SRP68: variants seen among roughly 807,000 people sequenced by gnomAD.
SRP68 encodes signal recognition particle subunit SRP68.
A neutral mutation model predicts 82.2 loss-of-function variants in SRP68; 15 were observed. That is an observed-to-expected ratio of 0.18 (90% CI 0.12 to 0.28). SRP68 has a LOEUF of 0.28. SRP68 is among the 10% of genes least tolerant of loss of function. The probability of loss-of-function intolerance (pLI) is 1.00; values close to 1 mark genes in which losing one functional copy is unlikely to be tolerated. For synonymous variants in SRP68, 261 were observed against 292.6 expected, an observed-to-expected ratio of 0.89 and a Z score of 1.10; for missense variants, 595 against 780.5, an observed-to-expected ratio of 0.76 and a Z score of 2.83.
intron 10 of SRP68, 139 bp from the exon 11 acceptor site, chr17:76,046,333 G>A: frequency 2.2e-6 from 2 of 902,322 alleles, no homozygotes; most frequent in East Asian, 2.5e-5. Context: ...TTTGGCTTGG[G>A]CTTCAAGGGA....
At position 76,067,299 on chromosome 17, in the gene SRP68, G is replaced by A. The variant is rs777753629; in HGVS notation, c.283C>T (p.Arg95Ter). The change falls in exon 3 of 16, where the codon CGA becomes TGA. Residue 95 changes from arginine (R) to a stop codon, truncating the protein, a stop_gained. Coordinates refer to ENST00000307877, the MANE Select transcript of SRP68 (RefSeq NM_014230.4). LOFTEE classifies it high-confidence loss of function. ...GYCSRRQRRL[R>*]KTLNFKMGNR... ...CCCATCTTGAAGTTGAGTGTTTTTC[G>A]AAGACGTCTTTGTCTACGGGAACAG... The A allele has an allele frequency of 1.9e-6, 3 of 1,613,256 alleles. No individual in the cohort carries two copies. The highest frequency in any genetic ancestry group is 1.7e-5 in the Admixed American group (1 of 59,798).
intron 10 of SRP68, among the ~76,000 whole-genome samples, chr17:76,046,681 T>C (rs1028867474): frequency 2.0e-5 from 3 of 151,742 alleles, no homozygotes; most frequent in African/African-American, 7.3e-5. Context: ...GTGGCTCCCA[T>C]CTGTAATCCC....
At chr17:76,040,612 T>C (rs1456310481) in intron 14 of SRP68, 138 bp from the exon 15 acceptor site, 1 of 832,440 alleles carries the variant, frequency 1.2e-6, no homozygotes, top group Non-Finnish European at 2.0e-6. Flanking sequence ...GCCTGTCTCC[T>C]GCTGAGAAGT....
intron 8 of SRP68, among the ~76,000 whole-genome samples, chr17:76,052,112 C>T (rs578075556): frequency 4.3e-4 from 65 of 152,290 alleles, no homozygotes; most frequent in Non-Finnish European, 7.8e-4. Context: ...AACTCCTGAC[C>T]TCAGGTGATC....
At chr17:76,063,016 C>T (rs2066780807) in intron 4 of SRP68, among the ~76,000 whole-genome samples, 1 of 151,218 alleles carries the variant, frequency 6.6e-6, no homozygotes, top group Non-Finnish European at 1.5e-5. Context: ...GTGATCTGCC[C>T]ACCTTGGCCT....
intron 4 of SRP68, among the ~76,000 whole-genome samples, chr17:76,062,400 G>A (rs930752564): frequency 2.1e-5 from 3 of 144,550 alleles, no homozygotes; most frequent in African/African-American, 7.8e-5. Context: ...TGACTGCAGC[G>A]AGCCATGACT....
intron 10 of SRP68, among the ~76,000 whole-genome samples, chr17:76,046,767 C>A (rs927432138): frequency 2.6e-5 from 4 of 152,122 alleles, no homozygotes; most frequent in African/African-American, 9.7e-5. Context: ...CAGTGAAACC[C>A]CGTCTCTATT....
chr17:76,067,628 C>A (rs183038749), intron 2 of SRP68, among the ~76,000 whole-genome samples: 1 of 152,036 alleles, frequency 6.6e-6, no homozygotes, highest in South Asian at 2.1e-4. Context: ...CCACACATGG[C>A]TAATTTTTGT....
chr17:76,040,310 TG>T, intron 15 of SRP68, 108 bp downstream of exon 15: 2 of 1,055,964 alleles, frequency 1.9e-6, no homozygotes, highest in Non-Finnish European at 1.5e-6. Context: ...GGGAGGGAGG[TG>T]GGGGGTTTCC....
At chr17:76,060,483 C>G in intron 6 of SRP68, 93 bp from the exon 7 acceptor site, 1 of 793,772 alleles carries the variant, frequency 1.3e-6, no homozygotes, top group South Asian at 1.5e-5. Flanking sequence ...TCTTCCCCCT[C>G]CACATGCTAC....
intron 3 of SRP68, among the ~76,000 whole-genome samples, chr17:76,066,449 C>CAA (rs776048043): frequency 1.7e-5 from 1 of 58,930 alleles, no homozygotes; most frequent in Non-Finnish European, 2.9e-5. Context: ...GACTCCGTCT[C>CAA]AAAAAAAAAA....
intron 8 of SRP68, among the ~76,000 whole-genome samples, chr17:76,055,246 C>A (rs550065756): frequency 1.1e-4 from 17 of 151,950 alleles, no homozygotes; most frequent in Non-Finnish European, 1.0e-4. Context: ...GAATTACAGG[C>A]GTGAGCCACC....
intron 8 of SRP68, among the ~76,000 whole-genome samples, chr17:76,054,811 T>C (rs1404491866): frequency 6.6e-6 from 1 of 150,814 alleles, no homozygotes; most frequent in Non-Finnish European, 1.5e-5. Flanking sequence ...AAAAACAGGA[T>C]ACAGAACTGT....
intron 7 of SRP68, among the ~76,000 whole-genome samples, chr17:76,058,944 G>A (rs901062798): frequency 1.3e-5 from 2 of 152,212 alleles, no homozygotes; most frequent in Non-Finnish European, 2.9e-5. Context: ...GGATGATGGT[G>A]TATGGCTGGA....
chr17:76,053,304 A>G (rs907306079), intron 8 of SRP68: 1 of 195,550 alleles, frequency 5.1e-6, no homozygotes, highest in African/African-American at 2.4e-5. Context: ...CATATACCAC[A>G]GCCACATTCT....
rs758039068 is a variant in SRP68 at position 76,039,855 on chromosome 17, G to C, written c.1735C>G (p.Pro579Ala). The change falls in exon 16 of 16, where the codon CCA (proline) becomes GCA (alanine). Residue 579 changes from proline to alanine, a missense_variant. Transcript: ENST00000307877. ...TKQANLVHFP[P>A]GFQPIPCKPL... ...TTGCAGGGAATGGGCTGGAAGCCTG[G>C]TGGGAAGTGCACAAGGTTGGCTTGC... The C allele has an allele frequency of 1.2e-6, 2 of 1,614,270 alleles. No individual in the cohort carries two copies. The highest frequency in any genetic ancestry group is 1.7e-6 in the Non-Finnish European group (2 of 1,180,058).
At chr17:76,070,222 C>CAAAAAAAAAAAAAA (rs386386662) in intron 2 of SRP68, among the ~76,000 whole-genome samples, 156 bp downstream of exon 2, 2 of 95,492 alleles carry the variant, frequency 2.1e-5, no homozygotes, top group Admixed American at 1.1e-4. Flanking sequence ...GACTCCATCT[C>CAAAAAAAAAAAAAA]AAAAAAAAAA....
Position 76,064,042 on chromosome 17 carries a change from A to G in SRP68, c.495T>C (p.His165=), listed in dbSNP as rs139648583. The G allele has an allele frequency of 3.1e-6, 5 of 1,614,120 alleles. No individual in the cohort carries two copies. Among genetic ancestry groups the G allele is most frequent in the Admixed American group, 1.7e-5 (1 of 59,994 alleles). The change falls in exon 4 of 16, where the codon CAT becomes CAC. Residue 165 remains histidine, a synonymous_variant. Transcript: ENST00000307877. ...LLSRLRKAVK[H]AEELERLCES... The stretch of plus-strand genomic sequence containing the variant: ...CACACAAGCGTTCCAATTCCTCTGC[A>G]TGCTTCACGGCTTTGCGTAGGCGAG...
At chr17:76,069,655 C>T (rs964465555) in intron 2 of SRP68, among the ~76,000 whole-genome samples, 15 of 151,386 alleles carry the variant, frequency 9.9e-5, no homozygotes, top group African/African-American at 3.2e-4. Context: ...TGCAGTGAGC[C>T]GAGATCGCGC....
Sources: gnomAD v4.1 joint callset for allele counts (sites outside exome capture counted in the v4.1 genomes callset) on GRCh38, gnomAD v4.1.1 for gene constraint, MANE v1.5 for transcripts, NCBI Gene and HGNC (gene_info 2026-07-23, HGNC 2026-07-21) for gene names.